MXI1: variants seen among roughly 807,000 people sequenced by gnomAD.
The protein encoded by MXI1 is MAX interactor 1, dimerization protein, also known as max-interacting protein 1.
MXI1 carries 18 observed loss-of-function variants against 36.9 expected under a neutral mutation model. That is an observed-to-expected ratio of 0.49 (90% CI 0.34 to 0.72). MXI1 has a LOEUF of 0.72. Ranked by LOEUF, MXI1 falls within the 30% of genes least tolerant of loss-of-function variation. The pLI is 0.01. For synonymous variants in MXI1, 160 were observed against 146.7 expected (o/e 1.09, Z -0.65); for missense variants, 304 against 379.1 (o/e 0.80, Z 1.64).
At chr10:110,274,831 C>T (rs1219331770) in intron 3 of MXI1, among the ~76,000 whole-genome samples, 1 of 150,260 alleles carries the variant, frequency 6.7e-6, no homozygotes, top group East Asian at 2.0e-4. Context: ...TGAAAAACAT[C>T]ATCATATGAT....
rs572387510 is a variant in MXI1, at chr10:110,255,316, T to A, written c.437+10459T>A. On this transcript the variant is annotated intron_variant, in intron 3 of 5. Transcript: ENST00000332674. ...AGACATACTACTCAGAAAATTTTTT[T>A]AAAAAATTATTGCTCATCGACAATA... Among the ~76,000 whole-genome samples, 169 of 152,294 alleles carry A rather than the reference T, an allele frequency of 1.1e-3. 1 individual carries two copies. Among genetic ancestry groups the A allele is most frequent in the South Asian group, 7.5e-3 (36 of 4,830 alleles).
chr10:110,285,774 G>C lies in MXI1; in HGVS notation c.*787G>C, dbSNP rs1372888355. ...CTACAAGGCCTATGAGTATGGATTG[G>C]GGGGGCCAAAAGGAAAAAGCTCCAT... On this transcript the variant is annotated 3_prime_UTR_variant, in exon 6 of 6. Coordinates refer to ENST00000332674, the MANE Select transcript of MXI1 (RefSeq NM_130439.3). The C allele has an allele frequency of 1.3e-5, 2 of 152,384 alleles. No homozygotes were observed. Among genetic ancestry groups the C allele is most frequent in the Non-Finnish European group, 1.5e-5 (1 of 68,038 alleles). 9.4% of individuals were successfully genotyped at this position (152,384 alleles called of 1,614,324 possible).
At chr10:110,221,808 G>C (rs1202976864) in intron 1 of MXI1, among the ~76,000 whole-genome samples, 1 of 152,130 alleles carries the variant, frequency 6.6e-6, no homozygotes, top group African/African-American at 2.4e-5. Flanking sequence ...TCCCCCTGGC[G>C]TTCCCCCCAC....
chr10:110,220,989 G>C (rs370855408), intron 1 of MXI1, among the ~76,000 whole-genome samples: 2 of 152,192 alleles, frequency 1.3e-5, no homozygotes, highest in African/African-American at 4.8e-5. Flanking sequence ...TTCTAATGAA[G>C]AAAACTACTT....
rs556237272 is a variant in MXI1, at chr10:110,266,397, C to T, written c.438-12783C>T. On this transcript the variant is annotated intron_variant, in intron 3 of 5. Transcript: ENST00000332674. ...TGCTGGGATTACAGGTGTGAGCCAC[C>T]GTGCCTGGCCTAATACAGTGTCATT... 7.9e-5 allele frequency among the ~76,000 whole-genome samples: 12 copies of T among 152,254 alleles called. No homozygotes were observed. The South Asian group carries it at 2.1e-3, about 26-fold the overall frequency.
intron 3 of MXI1, among the ~76,000 whole-genome samples, chr10:110,258,836 T>C (rs1255072267): frequency 2.6e-5 from 4 of 152,170 alleles, no homozygotes; most frequent in Admixed American, 2.6e-4. Context: ...TACTGACCTT[T>C]GTTAGAAATA....
At chr10:110,209,815 TC>T (rs1481061612) in intron 1 of MXI1, among the ~76,000 whole-genome samples, 1 of 152,102 alleles carries the variant, frequency 6.6e-6, no homozygotes, top group Non-Finnish European at 1.5e-5. Flanking sequence ...GCTACCCCCA[TC>T]CCCGGCTACC....
At chr10:110,231,517 C>T (rs1204310536) in intron 2 of MXI1, among the ~76,000 whole-genome samples, 2 of 152,054 alleles carry the variant, frequency 1.3e-5, no homozygotes, top group Non-Finnish European at 2.9e-5. Flanking sequence ...TGTGATATTA[C>T]AAATATGTTC....
intron 5 of MXI1, among the ~76,000 whole-genome samples, chr10:110,282,832 A>T (rs1026528752): frequency 1.3e-5 from 2 of 152,100 alleles, no homozygotes; most frequent in Admixed American, 6.5e-5. Context: ...GTTTTTAAAA[A>T]ATTTTTTTAA....
At chr10:110,244,350 G>A (rs1004575239) in intron 2 of MXI1, among the ~76,000 whole-genome samples, 1 of 151,826 alleles carries the variant, frequency 6.6e-6, no homozygotes, top group Non-Finnish European at 1.5e-5. Flanking sequence ...GGATTTGCCT[G>A]TATCACTAAG....
At chr10:110,244,915 A>C in intron 3 of MXI1, 58 bp downstream of exon 3, 2 of 1,552,184 alleles carry the variant, frequency 1.3e-6, no homozygotes, top group Non-Finnish European at 1.8e-6. Context: ...TCACCATTTT[A>C]CCTGTGAAAA....
intron 3 of MXI1, among the ~76,000 whole-genome samples, chr10:110,262,393 T>C (rs911474368): frequency 6.6e-6 from 1 of 152,044 alleles, no homozygotes; most frequent in Non-Finnish European, 1.5e-5. Context: ...TATCCCCCAT[T>C]GATACTGAGG....
At chr10:110,228,362 A>G (rs1473300146) in intron 2 of MXI1, 41 bp downstream of exon 2, 1 of 1,612,026 alleles carries the variant, frequency 6.2e-7, no homozygotes, top group African/African-American at 1.3e-5. Flanking sequence ...ACTGGAGGGA[A>G]GGAGCACATT....
chr10:110,207,817 A>C lies in MXI1; in HGVS notation c.9A>C (p.Lys3Asn), dbSNP rs745926943. The C allele has an allele frequency of 1.8e-6, 2 of 1,117,868 alleles. No homozygotes were observed. The highest frequency in any genetic ancestry group is 7.2e-5 in the South Asian group (2 of 27,972). The allele number at this position is 1,117,868 out of a possible 1,614,324, so 69.2% of individuals were successfully genotyped here. The change falls in exon 1 of 6, where the codon AAA becomes AAC. Residue 3 changes from lysine to asparagine, a missense_variant. By Grantham distance (94) the Lys-to-Asn change is moderately conservative. This residue lies in a region of MXI1 where 179 missense variants were observed against 184.8 expected (regional missense o/e 0.97). Coordinates refer to ENST00000332674, the MANE Select transcript of MXI1 (RefSeq NM_130439.3). MG[K>N]RGRPRKEARC... ...CGGACCCCCGCTCCTCCATGGGCAA[A>C]CGCGGGCGGCCGCGCAAGGAGGCGC...
chr10:110,269,742 G>C (rs1485428952), intron 3 of MXI1, among the ~76,000 whole-genome samples: 1 of 152,182 alleles, frequency 6.6e-6, no homozygotes, highest in African/African-American at 2.4e-5. Context: ...ATGGTGGCTG[G>C]CAGGGTACAA....
At chr10:110,254,689 T>C (rs777736140) in intron 3 of MXI1, among the ~76,000 whole-genome samples, 1 of 152,148 alleles carries the variant, frequency 6.6e-6, no homozygotes, top group Non-Finnish European at 1.5e-5. Flanking sequence ...TTATGGGTGA[T>C]ATGGAGAAAG....
intron 3 of MXI1, among the ~76,000 whole-genome samples, chr10:110,262,404 G>A (rs1425497079): frequency 2.0e-5 from 3 of 152,004 alleles, no homozygotes; most frequent in Non-Finnish European, 4.4e-5. Flanking sequence ...GATACTGAGG[G>A]ATGATTGTAT....
At chr10:110,243,218 A>T (rs1354782381) in intron 2 of MXI1, among the ~76,000 whole-genome samples, 1 of 152,002 alleles carries the variant, frequency 6.6e-6, no homozygotes, top group Non-Finnish European at 1.5e-5. Context: ...AGGATTTCTG[A>T]CTGTGCTTTT....
chr10:110,226,358 A>T, intron 1 of MXI1: 2 of 1,276,930 alleles, frequency 1.6e-6, no homozygotes, highest in Admixed American at 3.1e-5. Context: ...CCGGTAAGGG[A>T]GGGCACGCGT....
Sources: gnomAD v4.1 joint callset for allele counts (sites outside exome capture counted in the v4.1 genomes callset) on GRCh38, gnomAD v4.1.1 for gene constraint, gnomAD v4.1.1 regional missense constraint, MANE v1.5 for transcripts, NCBI Gene and HGNC (gene_info 2026-07-23, HGNC 2026-07-21) for gene names.